Variants in PLAC1 observed in about 807,000 individuals in gnomAD.
The protein encoded by PLAC1 is placenta-specific protein 1.
For synonymous variants in PLAC1, 68 were observed against 62.1 expected (o/e 1.09, Z -0.44); for missense variants, 136 against 163.2 (o/e 0.83, Z 0.91).
chrX:134,753,144 A>G (rs897551283), intron 1 of PLAC1, among the ~76,000 whole-genome samples: 5 of 111,813 alleles, frequency 4.5e-5, no homozygotes, highest in African/African-American at 1.6e-4. Context: ...CTAGGTAAAC[A>G]TAAGCTACCA....
rs781294221 is a variant in PLAC1, at chrX:134,640,989, GTAGTCC to G, written c.-131+17333_-131+17338del. 1.3e-3 allele frequency among the ~76,000 whole-genome samples: 146 copies of G among 112,241 alleles called. 1 individual carries two copies. Among genetic ancestry groups the G allele is most frequent in the Middle Eastern group, 4.6e-3 (1 of 219 alleles). On this transcript the variant is annotated intron_variant, in intron 1 of 2. Transcript: ENST00000359237. ...TAGCTGTCGATGGTGGCATGTGCCT[GTAGTCC>G]TAGCTACTCTGGAAACTGAGGCGAG...
intron 2 of PLAC1, among the ~76,000 whole-genome samples, chrX:134,571,887 A>G (rs989136576): frequency 9.0e-6 from 1 of 111,522 alleles, no homozygotes; most frequent in African/African-American, 3.3e-5. Flanking sequence ...AAAAGAATTC[A>G]CTCCATAGGC....
intron 1 of PLAC1, among the ~76,000 whole-genome samples, chrX:134,644,380 TC>T (rs1441021922): frequency 9.0e-6 from 1 of 111,505 alleles, no homozygotes; most frequent in Admixed American, 9.5e-5. Flanking sequence ...TCATCTTCCT[TC>T]CATGTCTACT....
intron 2 of PLAC1, among the ~76,000 whole-genome samples, chrX:134,594,972 C>T (rs2078055903): frequency 9.3e-6 from 1 of 107,677 alleles, no homozygotes. Flanking sequence ...GAGACCTTTC[C>T]TCTTTTCTAA....
At chrX:134,585,175 CAAAAAAAA>C (rs56343935) in intron 2 of PLAC1, among the ~76,000 whole-genome samples, 2 of 33,492 alleles carry the variant, frequency 6.0e-5, no homozygotes, top group Non-Finnish European at 9.2e-5. Flanking sequence ...ACTAAAAGTA[CAAAAAAAA>C]AAAAAAAAAA....
chrX:134,704,504 A>C (rs1285397144), intron 2 of PLAC1, among the ~76,000 whole-genome samples: 1 of 106,261 alleles, frequency 9.4e-6, no homozygotes, highest in African/African-American at 3.4e-5. Flanking sequence ...AAAAAAAAAA[A>C]ACAAAATAAC....
chrX:134,685,329 C>T (rs1395538531), intron 2 of PLAC1, among the ~76,000 whole-genome samples: 1 of 110,838 alleles, frequency 9.0e-6, no homozygotes, highest in African/African-American at 3.3e-5. Flanking sequence ...CCCAATGCCA[C>T]AGTTCTACTG....
chrX:134,620,505 G>T (rs1292828158), intron 1 of PLAC1, among the ~76,000 whole-genome samples: 8 of 112,043 alleles, frequency 7.1e-5, no homozygotes, highest in African/African-American at 2.6e-4. Context: ...CCTATGTGGT[G>T]GTCCTATAGA....
chrX:134,619,566 G>A (rs929622748), intron 1 of PLAC1, among the ~76,000 whole-genome samples: 5 of 108,452 alleles, frequency 4.6e-5, no homozygotes, highest in Non-Finnish European at 7.6e-5. Flanking sequence ...CAGGAGAAGC[G>A]TTTGAACCTG....
At chrX:134,581,971 C>T (rs2077977352) in intron 2 of PLAC1, among the ~76,000 whole-genome samples, 1 of 111,883 alleles carries the variant, frequency 8.9e-6, no homozygotes, top group Non-Finnish European at 1.9e-5. Flanking sequence ...CAGGGATTAG[C>T]ATTTTCACAT....
intron 1 of PLAC1, among the ~76,000 whole-genome samples, chrX:134,630,503 C>T (rs1383017117): frequency 1.8e-5 from 2 of 111,730 alleles, no homozygotes. Flanking sequence ...TACCAGGCTA[C>T]TAGCCCTGCC....
intron 2 of PLAC1, among the ~76,000 whole-genome samples, chrX:134,569,797 T>C (rs1304598718): frequency 1.9e-5 from 2 of 105,333 alleles, no homozygotes; most frequent in African/African-American, 7.2e-5. Flanking sequence ...TTTGTGTGTG[T>C]GTGTGTGTGT....
intron 2 of PLAC1, among the ~76,000 whole-genome samples, chrX:134,699,531 C>G (rs1255281220): frequency 5.3e-5 from 6 of 112,424 alleles, no homozygotes; most frequent in Non-Finnish European, 1.1e-4. Context: ...TCTGCTTCAT[C>G]ACAATAACCA....
intron 1 of PLAC1, among the ~76,000 whole-genome samples, chrX:134,629,476 G>C (rs1906460065): frequency 9.0e-6 from 1 of 111,320 alleles, no homozygotes; most frequent in African/African-American, 3.3e-5. Context: ...GAAGCTGACT[G>C]TTGAGTATCA....
intron 1 of PLAC1, among the ~76,000 whole-genome samples, chrX:134,623,015 A>G (rs1157043397): frequency 1.8e-5 from 2 of 111,919 alleles, no homozygotes; most frequent in Non-Finnish European, 3.8e-5. Context: ...GACATGGAGC[A>G]CCCTCAGGGA....
chrX:134,729,658 C>A (rs907272344), intron 2 of PLAC1, among the ~76,000 whole-genome samples: 2 of 112,023 alleles, frequency 1.8e-5, no homozygotes, highest in Non-Finnish European at 3.8e-5. Flanking sequence ...CACCTGCTGG[C>A]TGATGCCTGA....
chrX:134,617,471 C>T (rs113640051), intron 1 of PLAC1, among the ~76,000 whole-genome samples: 4 of 112,138 alleles, frequency 3.6e-5, no homozygotes, highest in African/African-American at 1.3e-4. Flanking sequence ...AGGCTTTTCA[C>T]AAATGGTCTT....
chrX:134,681,474 T>G (rs1026268327), intron 2 of PLAC1, among the ~76,000 whole-genome samples: 4 of 111,753 alleles, frequency 3.6e-5, no homozygotes, highest in African/African-American at 1.3e-4. Context: ...TACATACATG[T>G]GCACATACAC....
At chrX:134,592,870 T>C (rs1405176487) in intron 2 of PLAC1, among the ~76,000 whole-genome samples, 2 of 108,647 alleles carry the variant, frequency 1.8e-5, no homozygotes, top group Non-Finnish European at 3.8e-5. Context: ...GGACTACAGG[T>C]GCCCGCCACC....
Sources: gnomAD v4.1 joint callset for allele counts (sites outside exome capture counted in the v4.1 genomes callset) on GRCh38, gnomAD v4.1.1 for gene constraint, MANE v1.5 for transcripts, NCBI Gene and HGNC (gene_info 2026-07-23, HGNC 2026-07-21) for gene names.